The following BLNK variants were observed in gnomAD, a reference collection of about 807,000 sequenced individuals.
BLNK encodes B cell linker.
Under a neutral mutation model 73.5 loss-of-function variants are expected in BLNK, and 29 were observed. The ratio of observed to expected loss-of-function variants is 0.39; its 90% CI spans 0.29 to 0.54. The LOEUF (loss-of-function observed/expected upper bound fraction) is 0.54, where lower values mean the gene tolerates loss of function less well. BLNK is among the 20% of genes least tolerant of loss of function. The pLI, the probability that BLNK is intolerant of heterozygous loss-of-function variation, is 0.61. For synonymous variants in BLNK, 176 were observed against 200.8 expected, an observed-to-expected ratio of 0.88 and a Z score of 1.04; for missense variants, 460 against 562.8, an observed-to-expected ratio of 0.82 and a Z score of 1.85.
At chr10:96,250,842 CTATA>C (rs1843254335) in intron 1 of BLNK, among the ~76,000 whole-genome samples, 1 of 152,112 alleles carries the variant, frequency 6.6e-6, no homozygotes, top group South Asian at 2.1e-4. Context: ...TACTATGTAA[CTATA>C]TAATTACAGT....
intron 9 of BLNK, among the ~76,000 whole-genome samples, chr10:96,209,062 A>G (rs1295876774): frequency 6.6e-6 from 1 of 152,206 alleles, no homozygotes; most frequent in African/African-American, 2.4e-5. Flanking sequence ...ATATTAACAC[A>G]TTACAATCGT....
At chr10:96,218,679 CAAAAA>C (rs10706950) in intron 6 of BLNK, among the ~76,000 whole-genome samples, 1 of 124,262 alleles carries the variant, frequency 8.0e-6, no homozygotes, top group Non-Finnish European at 1.8e-5. Flanking sequence ...ACCTTGTCTC[CAAAAA>C]AAAAAAAAAA....
chr10:96,268,101 C>G (rs971754215), intron 1 of BLNK, among the ~76,000 whole-genome samples: 1 of 152,076 alleles, frequency 6.6e-6, no homozygotes, highest in African/African-American at 2.4e-5. Flanking sequence ...ACTGGGGAGA[C>G]CCGATTTGAC....
At chr10:96,225,033 C>T (rs1165998473) in intron 5 of BLNK, among the ~76,000 whole-genome samples, 2 of 152,130 alleles carry the variant, frequency 1.3e-5, no homozygotes, top group African/African-American at 2.4e-5. Flanking sequence ...ATCGTAATAT[C>T]GACCTTAGAG....
At chr10:96,199,652 T>C (rs2083575271) in intron 15 of BLNK, 2 of 392,692 alleles carry the variant, frequency 5.1e-6, no homozygotes, top group Non-Finnish European at 1.0e-5. Context: ...CTTGTTGCAA[T>C]TATTTAATTA....
chr10:96,271,307 GA>G (rs545970363), intron 1 of BLNK, 44 bp downstream of exon 1: 86 of 1,596,706 alleles, frequency 5.4e-5, no homozygotes, highest in South Asian at 2.9e-4. Flanking sequence ...GCACTGGGGG[GA>G]AAAAAAGGAG....
chr10:96,229,667 T>TGTG (rs1842421413), intron 4 of BLNK, among the ~76,000 whole-genome samples: 1 of 151,080 alleles, frequency 6.6e-6, no homozygotes, highest in Non-Finnish European at 1.5e-5. Flanking sequence ...TGTGTGTGTG[T>TGTG]GTGTGTGTGT....
chr10:96,251,163 T>C (rs1554909036), intron 1 of BLNK, among the ~76,000 whole-genome samples: 1 of 152,246 alleles, frequency 6.6e-6, no homozygotes, highest in East Asian at 1.9e-4. Flanking sequence ...TCACACAAAT[T>C]CTGATGTCTA....
At chr10:96,257,800 C>T (rs990358895) in intron 1 of BLNK, among the ~76,000 whole-genome samples, 1 of 152,212 alleles carries the variant, frequency 6.6e-6, no homozygotes, top group Non-Finnish European at 1.5e-5. Flanking sequence ...TGAACACAAA[C>T]CCGACCCTCT....
chr10:96,242,039 A>G (rs1842896159), intron 3 of BLNK, among the ~76,000 whole-genome samples: 1 of 152,024 alleles, frequency 6.6e-6, no homozygotes, highest in Admixed American at 6.5e-5. Flanking sequence ...CTTTTAACAT[A>G]ATTGATATGG....
At chr10:96,242,202 T>A (rs1842901979) in intron 3 of BLNK, among the ~76,000 whole-genome samples, 3 of 152,356 alleles carry the variant, frequency 2.0e-5, no homozygotes. Flanking sequence ...CAAAATCTGA[T>A]GATTTTATCC....
intron 3 of BLNK, 91 bp from the exon 4 acceptor site, chr10:96,230,925 C>G: frequency 7.2e-7 from 1 of 1,380,348 alleles, no homozygotes; most frequent in Non-Finnish European, 1.0e-6. Flanking sequence ...CCTGCCTTCC[C>G]TTCCCTTTGG....
intron 1 of BLNK, among the ~76,000 whole-genome samples, chr10:96,257,188 G>A (rs1267031010): frequency 6.6e-6 from 1 of 152,200 alleles, no homozygotes; most frequent in Non-Finnish European, 1.5e-5. Flanking sequence ...TACAAGACAA[G>A]GATGAGACCG....
At chr10:96,204,428 TTTACCTAG>T in intron 12 of BLNK, 96 bp downstream of exon 12, 3 of 1,297,086 alleles carry the variant, frequency 2.3e-6, no homozygotes, top group Non-Finnish European at 3.4e-6. Context: ...ATGTTGGATT[TTTACCTAG>T]CACTGCAAGT....
At chr10:96,254,283 G>A (rs1356491794) in intron 1 of BLNK, among the ~76,000 whole-genome samples, 1 of 152,146 alleles carries the variant, frequency 6.6e-6, no homozygotes, top group Non-Finnish European at 1.5e-5. Flanking sequence ...TTTAGTCAAT[G>A]GTATGATGTC....
At chr10:96,209,243 C>T (rs1461250543) in intron 9 of BLNK, among the ~76,000 whole-genome samples, 1 of 152,074 alleles carries the variant, frequency 6.6e-6, no homozygotes, top group Non-Finnish European at 1.5e-5. Context: ...TAAGTAAAGA[C>T]AAAACCTGCT....
chr10:96,207,498 T>G (rs587766068), intron 10 of BLNK, among the ~76,000 whole-genome samples: 1 of 152,348 alleles, frequency 6.6e-6, no homozygotes, highest in East Asian at 1.9e-4. Context: ...TTCACCATGT[T>G]CTGGCCAGAA....
At chr10:96,216,602 T>A (rs587736600) in intron 7 of BLNK, 51 bp downstream of exon 7, 1 of 1,492,422 alleles carries the variant, frequency 6.7e-7, no homozygotes. Flanking sequence ...CTCTTATACA[T>A]CCTGATCAAC....
chr10:96,267,253 G>A (rs976361136), intron 1 of BLNK, among the ~76,000 whole-genome samples: 2 of 152,256 alleles, frequency 1.3e-5, no homozygotes, highest in East Asian at 3.9e-4. Context: ...GGGGACATGG[G>A]GGAGCTAATA....
Sources: gnomAD v4.1 joint callset for allele counts (sites outside exome capture counted in the v4.1 genomes callset) on GRCh38, gnomAD v4.1.1 for gene constraint, MANE v1.5 for transcripts, NCBI Gene and HGNC (gene_info 2026-07-23, HGNC 2026-07-21) for gene names.